The following SMAP1 variants were observed in gnomAD, a reference collection of about 807,000 sequenced individuals.
SMAP1 encodes small ArfGAP 1, also known as stromal membrane-associated protein 1.
A neutral mutation model predicts 58.5 loss-of-function variants in SMAP1; 24 were observed. The ratio of observed to expected loss-of-function variants is 0.41; its 90% CI spans 0.30 to 0.58. The LOEUF is 0.58. Among genes scored for constraint, SMAP1 ranks in the 20% least tolerant of loss-of-function variants. The pLI is 0.29. For missense variants in SMAP1, 563 were observed against 566.3 expected (o/e 0.99, Z 0.06); for synonymous variants, 216 against 196.6 (o/e 1.10, Z -0.82).
intron 1 of SMAP1, among the ~76,000 whole-genome samples, chr6:70,689,421 G>T (rs1159769301): frequency 6.6e-6 from 1 of 152,320 alleles, no homozygotes. Flanking sequence ...ATGTTCCATT[G>T]ATCTGTTTGT....
chr6:70,790,054 A>G (rs1768276025), intron 4 of SMAP1, among the ~76,000 whole-genome samples: 1 of 152,144 alleles, frequency 6.6e-6, no homozygotes. Context: ...ATCCTTTTAT[A>G]TTTTTGTTCC....
At chr6:70,686,178 GT>G (rs200333352) in intron 1 of SMAP1, among the ~76,000 whole-genome samples, 11 of 151,920 alleles carry the variant, frequency 7.2e-5, no homozygotes, top group Admixed American at 2.0e-4. Context: ...CTCAGAGTCT[GT>G]TTTTTTTACC....
At chr6:70,702,350 G>T (rs994794481) in intron 1 of SMAP1, among the ~76,000 whole-genome samples, 1 of 151,322 alleles carries the variant, frequency 6.6e-6, no homozygotes, top group Non-Finnish European at 1.5e-5. Context: ...TAATTAGGTT[G>T]CTGAAACTGC....
chr6:70,783,005 C>A (rs1767826972), intron 4 of SMAP1, among the ~76,000 whole-genome samples: 1 of 152,174 alleles, frequency 6.6e-6, no homozygotes, highest in African/African-American at 2.4e-5. Context: ...GGTCCCTGAC[C>A]CTCGAGCAGC....
At position 70,668,087 on chromosome 6, in the gene SMAP1, T is replaced by G; in HGVS notation, c.64T>G (p.Ser22Ala). Residue 22 changes from serine to alanine, a missense_variant, in exon 1 of 11, where the codon TCC (serine) becomes GCC (alanine). Ser to Ala is a moderately conservative substitution (Grantham distance 99, BLOSUM62 1). Transcript: ENST00000370455. Reference sequence around the variant, plus strand: ...GAACGAGCAGCACCAGCTCATCCTATCCAAGCTTCTGAGGGAGGAGGACAA... The same window carrying G: ...GAACGAGCAGCACCAGCTCATCCTAGCCAAGCTTCTGAGGGAGGAGGACAA... ...KLNEQHQLIL[S>A]KLLREEDNKY... 1 of 1,605,246 alleles carries G rather than the reference T, an allele frequency of 6.2e-7. No homozygotes were observed. Among genetic ancestry groups the G allele is most frequent in the Non-Finnish European group, 8.5e-7 (1 of 1,176,538 alleles).
In SMAP1 at chr6:70,798,686, A is replaced by G. The variant is rs1325965259; in HGVS notation, c.525A>G (p.Lys175=). The G allele has an allele frequency of 3.2e-6, 5 of 1,552,650 alleles. No homozygotes were observed. In the African/African-American group the frequency reaches 4.2e-5, roughly 13 times the overall value. Residue 175 remains lysine, a synonymous_variant, in exon 6 of 11, where the codon AAA becomes AAG. Coordinates refer to ENST00000370455, the MANE Select transcript of SMAP1 (RefSeq NM_001044305.3). ...EKEKEKKKEE[K]KREKEPEKPA... ...AAAAGGAAAAAAAAAAGGAAGAGAA[A>G]AAGAGAGAAAAGGAGCCAGAAAAGC...
At chr6:70,725,091 GTGT>G (rs1768708735) in intron 1 of SMAP1, among the ~76,000 whole-genome samples, 1 of 80,506 alleles carries the variant, frequency 1.2e-5, no homozygotes, top group South Asian at 3.8e-4. Flanking sequence ...AAATTAACCA[GTGT>G]TTTTTTTTTT....
At chr6:70,792,905 T>G (rs937523221) in intron 5 of SMAP1, among the ~76,000 whole-genome samples, 1 of 151,462 alleles carries the variant, frequency 6.6e-6, no homozygotes, top group Non-Finnish European at 1.5e-5. Context: ...CCGTGGGGAG[T>G]GAATTTTGTG....
intron 6 of SMAP1, among the ~76,000 whole-genome samples, chr6:70,831,937 T>A (rs1003935515): frequency 1.8e-4 from 27 of 152,190 alleles, no homozygotes; most frequent in African/African-American, 6.0e-4. Flanking sequence ...TGTTATTTTT[T>A]AAATTTTTTT....
In SMAP1 at chr6:70,806,270, C is replaced by T. The variant is rs143980253; in HGVS notation, c.576+7533C>T. Among the ~76,000 whole-genome samples, 987 of 152,318 alleles carry T rather than the reference C, an allele frequency of 6.5e-3. 7 individuals are homozygous for T. Among genetic ancestry groups the T allele is most frequent in the African/African-American group, 0.021 (866 of 41,576 alleles). On this transcript the variant is annotated intron_variant, in intron 6 of 10. Coordinates refer to ENST00000370455, the MANE Select transcript of SMAP1 (RefSeq NM_001044305.3). ...TTCACAGTTTGATCTCAGACTGCTG[C>T]GCTAGTAGTGAGCAAGGCTCTGTGA...
At chr6:70,754,651 A>G (rs1475238472) in intron 2 of SMAP1, among the ~76,000 whole-genome samples, 1 of 152,094 alleles carries the variant, frequency 6.6e-6, no homozygotes, top group Admixed American at 6.6e-5. Flanking sequence ...GTGCACTAGA[A>G]AAAATGGCAG....
chr6:70,850,443 C>T (rs1187587374), intron 7 of SMAP1, among the ~76,000 whole-genome samples: 2 of 151,756 alleles, frequency 1.3e-5, no homozygotes, highest in Admixed American at 6.6e-5. Context: ...AGCTTGTCAC[C>T]GTTTTTTTTC....
intron 1 of SMAP1, among the ~76,000 whole-genome samples, chr6:70,678,070 G>T (rs1006721498): frequency 6.6e-6 from 1 of 152,188 alleles, no homozygotes; most frequent in East Asian, 1.9e-4. Context: ...CTTAGATAAA[G>T]TGCTCTTGGA....
chr6:70,757,652 T>A (rs1432208437), intron 3 of SMAP1, among the ~76,000 whole-genome samples: 3 of 151,686 alleles, frequency 2.0e-5, no homozygotes, highest in African/African-American at 7.3e-5. Context: ...GAATCTACAA[T>A]GAACTCAAAC....
intron 1 of SMAP1, among the ~76,000 whole-genome samples, chr6:70,711,329 CATA>C (rs1439301908): frequency 1.3e-5 from 2 of 152,014 alleles, no homozygotes; most frequent in African/African-American, 2.4e-5. Context: ...TTTTTATTTC[CATA>C]ATAATCTCAT....
chr6:70,754,027 C>G (rs1476868493), intron 2 of SMAP1, among the ~76,000 whole-genome samples: 1 of 152,032 alleles, frequency 6.6e-6, no homozygotes. Flanking sequence ...GGCTACAACT[C>G]AACGCAGATG....
intron 1 of SMAP1, among the ~76,000 whole-genome samples, chr6:70,695,103 G>T (rs1007905326): frequency 1.3e-5 from 2 of 152,124 alleles, no homozygotes; most frequent in African/African-American, 4.8e-5. Flanking sequence ...TGCTCTTGAC[G>T]TAGAAATGCT....
chr6:70,732,325 T>A (rs1644680223), intron 1 of SMAP1, 53 bp from the exon 2 acceptor site: 2 of 1,563,572 alleles, frequency 1.3e-6, no homozygotes, highest in East Asian at 4.5e-5. Flanking sequence ...GCTGTTATGT[T>A]TATTTTTGTT....
At chr6:70,747,744 G>T (rs1766104490) in intron 2 of SMAP1, among the ~76,000 whole-genome samples, 1 of 152,162 alleles carries the variant, frequency 6.6e-6, no homozygotes, top group South Asian at 2.1e-4. Context: ...GATGACAGAA[G>T]AGTGTAATGT....
Sources: allele counts gnomAD v4.1 joint callset (sites outside exome capture counted in the v4.1 genomes callset), GRCh38; gene constraint gnomAD v4.1.1; transcripts MANE v1.5; gene names NCBI Gene and HGNC (gene_info 2026-07-23, HGNC 2026-07-21).